Variants in CSMD3 observed in about 807,000 individuals in gnomAD.
The protein encoded by CSMD3 is CUB and Sushi multiple domains 3, also known as CUB and sushi domain-containing protein 3.
A neutral mutation model predicts 435.2 loss-of-function variants in CSMD3; 177 were observed. The observed-to-expected ratio is 0.41, with a 90% CI of 0.36 to 0.46. The LOEUF (loss-of-function observed/expected upper bound fraction) is 0.46. CSMD3 is among the 20% of genes least tolerant of loss of function. The pLI is 0.34. For synonymous variants in CSMD3, 1,656 were observed against 1,520.5 expected (o/e 1.09, Z -2.07); for missense variants, 4,265 against 4,504.6 (o/e 0.95, Z 1.52).
chr8:112,887,219 G>A (rs1430603516), intron 10 of CSMD3, among the ~76,000 whole-genome samples: 1 of 143,468 alleles, frequency 7.0e-6, no homozygotes, highest in South Asian at 2.2e-4. Context: ...TTTTTGAATA[G>A]TATAAAAGAA....
At chr8:112,817,384 T>C (rs994180673) in intron 12 of CSMD3, among the ~76,000 whole-genome samples, 5 of 152,118 alleles carry the variant, frequency 3.3e-5, no homozygotes, top group Non-Finnish European at 5.9e-5. Context: ...ATAAATTATA[T>C]ACATTTCCAC....
chr8:112,493,464 A>G (rs1820904019), intron 30 of CSMD3, among the ~76,000 whole-genome samples: 1 of 152,024 alleles, frequency 6.6e-6, no homozygotes, highest in East Asian at 1.9e-4. Context: ...AAAAGGCCCT[A>G]TTTGTCTGCC....
intron 1 of CSMD3, among the ~76,000 whole-genome samples, chr8:113,337,751 A>G (rs1588547235): frequency 6.6e-6 from 1 of 152,162 alleles, no homozygotes; most frequent in Middle Eastern, 3.4e-3. Context: ...GTTAGGAGAA[A>G]TAAGTTCAAG....
rs556918723 is a variant in CSMD3, at chr8:112,779,706, A to G, written c.1972+20456T>C. On this transcript the variant is annotated intron_variant, in intron 13 of 70. Transcript: ENST00000297405. ...AATAAGTACCTCTTTGCATGTAGTCAGATCAGCCCTATTCTAAAATTCTAA... is the reference window on the plus strand; with the variant it reads ...AATAAGTACCTCTTTGCATGTAGTCGGATCAGCCCTATTCTAAAATTCTAA... Among the ~76,000 whole-genome samples, 710 of 152,268 alleles carry G rather than the reference A, an allele frequency of 4.7e-3. 3 individuals carry two copies. The highest frequency in any genetic ancestry group is 7.1e-3 in the Non-Finnish European group (481 of 67,996).
intron 5 of CSMD3, among the ~76,000 whole-genome samples, chr8:113,048,125 C>T (rs1162331756): frequency 6.8e-6 from 1 of 146,022 alleles, no homozygotes. Flanking sequence ...CCGAGTCTCG[C>T]TCTGTCGCCC....
chr8:112,404,117 C>CATAAAGGTACAGAATA (rs1831564807), intron 35 of CSMD3, among the ~76,000 whole-genome samples: 1 of 152,086 alleles, frequency 6.6e-6, no homozygotes, highest in African/African-American at 2.4e-5. Flanking sequence ...ACCAACCATC[C>CATAAAGGTACAGAATA]TTCCTAGTTA....
intron 5 of CSMD3, among the ~76,000 whole-genome samples, chr8:113,089,917 CATG>C (rs1486732757): frequency 6.6e-6 from 1 of 151,950 alleles, no homozygotes; most frequent in Non-Finnish European, 1.5e-5. Context: ...TTTGACTAAC[CATG>C]ATGACTGTTG....
At chr8:113,226,812 C>T (rs2093033965) in intron 3 of CSMD3, among the ~76,000 whole-genome samples, 2 of 151,480 alleles carry the variant, frequency 1.3e-5, no homozygotes, top group Non-Finnish European at 3.0e-5. Flanking sequence ...CAACTGCTTC[C>T]TTATATGAAC....
intron 4 of CSMD3, among the ~76,000 whole-genome samples, chr8:113,140,641 A>G (rs2091526300): frequency 1.3e-5 from 2 of 151,232 alleles, no homozygotes; most frequent in Admixed American, 6.6e-5. Flanking sequence ...GACACTAAAC[A>G]TCACATTTCT....
chr8:112,508,596 T>C (rs1357741328), intron 28 of CSMD3, among the ~76,000 whole-genome samples: 1 of 152,178 alleles, frequency 6.6e-6, no homozygotes, highest in East Asian at 1.9e-4. Context: ...TCAATCAGGC[T>C]GCCCTTTCCT....
chr8:112,982,834 T>G (rs1186919006), intron 6 of CSMD3, among the ~76,000 whole-genome samples: 1 of 151,980 alleles, frequency 6.6e-6, no homozygotes, highest in Non-Finnish European at 1.5e-5. Flanking sequence ...AATTAATACT[T>G]AATGATGGCA....
intron 22 of CSMD3, among the ~76,000 whole-genome samples, chr8:112,610,659 T>C (rs950821600): frequency 6.6e-6 from 1 of 152,194 alleles, no homozygotes; most frequent in Non-Finnish European, 1.5e-5. Flanking sequence ...ATAAAGCAGG[T>C]CTTTTTTCCT....
At chr8:112,543,347 A>T (rs1239378103) in intron 27 of CSMD3, among the ~76,000 whole-genome samples, 1 of 152,116 alleles carries the variant, frequency 6.6e-6, no homozygotes, top group Non-Finnish European at 1.5e-5. Context: ...CCATACATCT[A>T]ATAATAGATC....
chr8:112,253,780 T>A (rs1328283699), intron 63 of CSMD3, among the ~76,000 whole-genome samples: 1 of 151,992 alleles, frequency 6.6e-6, no homozygotes, highest in Non-Finnish European at 1.5e-5. Context: ...TTTCAGCAAT[T>A]TCCCACCATT....
At chr8:112,290,284 G>A (rs948168256) in intron 56 of CSMD3, among the ~76,000 whole-genome samples, 5 of 151,860 alleles carry the variant, frequency 3.3e-5, no homozygotes, top group African/African-American at 4.8e-5. Flanking sequence ...AGCACATGAG[G>A]ACACAAAAAC....
intron 1 of CSMD3, among the ~76,000 whole-genome samples, chr8:113,384,487 G>A (rs999403736): frequency 6.6e-6 from 1 of 152,132 alleles, no homozygotes; most frequent in Non-Finnish European, 1.5e-5. Context: ...AAACACTGAG[G>A]TGTCAGATAG....
At chr8:112,588,230 T>G (rs1830894080) in intron 22 of CSMD3, among the ~76,000 whole-genome samples, 1 of 151,600 alleles carries the variant, frequency 6.6e-6, no homozygotes, top group Non-Finnish European at 1.5e-5. Flanking sequence ...AAATAATGAT[T>G]TATGGGAACA....
intron 4 of CSMD3, among the ~76,000 whole-genome samples, chr8:113,172,190 G>A (rs2883875): frequency 0.67 from 102,401 of 152,038 alleles, 36,077 homozygotes; most frequent in East Asian, 0.95. Context: ...GTGGCAAAGA[G>A]TTTTAACTTG....
At chr8:112,289,260 G>T (rs1271629021) in intron 57 of CSMD3, 105 bp downstream of exon 57, 2 of 979,228 alleles carry the variant, frequency 2.0e-6, no homozygotes, top group Admixed American at 1.7e-5. Flanking sequence ...TTTTCAGAGA[G>T]AAATATATTT....
Sources: allele counts gnomAD v4.1 joint callset (sites outside exome capture counted in the v4.1 genomes callset), GRCh38; gene constraint gnomAD v4.1.1; transcripts MANE v1.5; gene names NCBI Gene and HGNC (gene_info 2026-07-23, HGNC 2026-07-21).